NDRG1: variants seen among roughly 807,000 people sequenced by gnomAD.
NDRG1 encodes the protein N-myc downstream regulated 1.
Under a neutral mutation model 56.9 loss-of-function variants are expected in NDRG1, and 32 were observed. The ratio of observed to expected loss-of-function variants is 0.56; its 90% CI spans 0.42 to 0.76. The LOEUF (loss-of-function observed/expected upper bound fraction) is 0.76, where lower values mean the gene tolerates loss of function less well. Ranked by LOEUF, NDRG1 falls within the 30% of genes least tolerant of loss-of-function variation. The pLI, the probability that NDRG1 is intolerant of heterozygous loss-of-function variation, is 0.00. For missense variants in NDRG1, 507 were observed against 545.7 expected, an observed-to-expected ratio of 0.93 and a Z score of 0.71; for synonymous variants, 211 against 204.1, an observed-to-expected ratio of 1.03 and a Z score of -0.29.
At chr8:133,287,151 A>G (rs1858166533) in intron 1 of NDRG1, among the ~76,000 whole-genome samples, 1 of 152,212 alleles carries the variant, frequency 6.6e-6, no homozygotes, top group Non-Finnish European at 1.5e-5. Context: ...TCATGTAAGG[A>G]AGTTCAACAT....
chr8:133,279,384 A>G (rs1466846380), intron 3 of NDRG1, among the ~76,000 whole-genome samples: 1 of 152,036 alleles, frequency 6.6e-6, no homozygotes, highest in Non-Finnish European at 1.5e-5. Flanking sequence ...TGGATGGGGG[A>G]GCATTCATGA....
At chr8:133,257,709 G>A (rs1856455473) in intron 7 of NDRG1, among the ~76,000 whole-genome samples, 1 of 152,118 alleles carries the variant, frequency 6.6e-6, no homozygotes, top group South Asian at 2.1e-4. Context: ...TGTACACCTG[G>A]GGTACAGTTG....
In NDRG1 at chr8:133,238,962, G is replaced by A. The variant is rs201959970; in HGVS notation, c.1101C>T (p.Ser367=). Residue 367 remains serine (S), a synonymous_variant, in exon 16 of 16, where the codon AGC becomes AGT. Transcript: ENST00000323851. The part of the protein sequence containing the change: ...SEGTRSRSHT[S]EGAHLDITPN... ...GGGTGATGTCCAGGTGGGCCCCCTC[G>A]CTGGTGTGCGAGCGGCTGCGGGTGC... The A allele has an allele frequency of 1.7e-4, 275 of 1,583,170 alleles. 2 individuals are homozygous for A. Among genetic ancestry groups the A allele is most frequent in the South Asian group, 1.5e-3 (131 of 86,442 alleles).
rs1210865152 is a variant in NDRG1, at chr8:133,247,758, A to G, written c.807+117T>C. The G allele has an allele frequency of 1.1e-5, 12 of 1,131,902 alleles. No individual in the cohort carries two copies. The Admixed American group carries it at 2.1e-4, about 20-fold the overall frequency. 70.1% of individuals were successfully genotyped at this position (1,131,902 alleles called of 1,614,324 possible). A position where few individuals can be genotyped will look rare whatever the true frequency, so the allele number is the denominator to read the frequency against. On this transcript the variant is annotated intron_variant, in intron 12 of 15. Coordinates refer to ENST00000323851, the MANE Select transcript of NDRG1 (RefSeq NM_006096.4). ...AAAGGCCAATATGGCATTTCAAAAAACATCACCTGCCCTGATGGGGCAGAG... is the reference window on the plus strand; with the variant it reads ...AAAGGCCAATATGGCATTTCAAAAAGCATCACCTGCCCTGATGGGGCAGAG...
At chr8:133,260,404 G>A (rs1270170146) in intron 5 of NDRG1, among the ~76,000 whole-genome samples, 3 of 152,154 alleles carry the variant, frequency 2.0e-5, no homozygotes. Flanking sequence ...AACAAGTCAG[G>A]TCCCACTCTG....
intron 12 of NDRG1, 61 bp from the exon 13 acceptor site, chr8:133,246,724 C>A: frequency 7.0e-7 from 1 of 1,437,888 alleles, no homozygotes; most frequent in East Asian, 2.3e-5. Flanking sequence ...AAACATCTCC[C>A]CCTTCTCCGC....
intron 8 of NDRG1, chr8:133,255,941 C>G (rs1395929767): frequency 6.5e-6 from 1 of 154,236 alleles, no homozygotes; most frequent in African/African-American, 2.4e-5. Flanking sequence ...AAAAGATAAA[C>G]AAGGAACCTT....
intron 3 of NDRG1, among the ~76,000 whole-genome samples, chr8:133,269,624 T>G (rs1407453077): frequency 6.6e-6 from 1 of 152,234 alleles, no homozygotes; most frequent in African/African-American, 2.4e-5. Context: ...TGAACCAAGC[T>G]TGGATTCGAA....
intron 9 of NDRG1, among the ~76,000 whole-genome samples, chr8:133,254,142 G>C (rs763783234): frequency 8.6e-5 from 13 of 151,952 alleles, no homozygotes; most frequent in Non-Finnish European, 1.6e-4. Context: ...GAATTGCAAA[G>C]CAATCTATAG....
Position 133,238,799 on chromosome 8 carries a change from G to C in NDRG1, c.*79C>G. The C allele has an allele frequency of 6.8e-7, 1 of 1,461,000 alleles. No individual in the cohort carries two copies. Among genetic ancestry groups the C allele is most frequent in the Non-Finnish European group, 9.2e-7 (1 of 1,092,020 alleles). 90.5% of individuals were successfully genotyped at this position (1,461,000 alleles called of 1,614,324 possible). A position where few individuals can be genotyped will look rare whatever the true frequency, so the allele number is the denominator to read the frequency against. ...ATACCGAGTTAGGCGCAGTATGGCA[G>C]GCAGGGGGCGAAAAGGGGCCGGGGA... On this transcript the variant is annotated 3_prime_UTR_variant, in exon 16 of 16. Transcript: ENST00000323851.
intron 4 of NDRG1, 77 bp downstream of exon 4, chr8:133,264,470 C>G: frequency 7.5e-7 from 1 of 1,324,544 alleles, no homozygotes. Context: ...TCCCGGCCAT[C>G]AGCCCTTCTC....
chr8:133,270,973 G>A (rs1323218476), intron 3 of NDRG1, among the ~76,000 whole-genome samples: 2 of 152,190 alleles, frequency 1.3e-5, no homozygotes, highest in Non-Finnish European at 2.9e-5. Context: ...GCAAGCTGCA[G>A]CATTTCCCTC....
intron 3 of NDRG1, among the ~76,000 whole-genome samples, chr8:133,270,743 C>T (rs750681266): frequency 1.2e-4 from 18 of 152,166 alleles, no homozygotes; most frequent in African/African-American, 4.1e-4. Context: ...GGGGTGTTAG[C>T]TTTCTAGGTT....
In NDRG1 at chr8:133,237,339, C is replaced by A. The variant is rs1008202806; in HGVS notation, c.*1539G>T. On this transcript the variant is annotated 3_prime_UTR_variant, in exon 16 of 16. Transcript: ENST00000323851. ...CAGGGAAGGCCTCCAAGGTGATGGGCGGCAGGTAACGAGTCATTGCCTCTC... is the reference window on the plus strand; with the variant it reads ...CAGGGAAGGCCTCCAAGGTGATGGGAGGCAGGTAACGAGTCATTGCCTCTC... The A allele has an allele frequency of 2.2e-5, 5 of 232,034 alleles. No homozygotes were observed. The East Asian group carries it at 3.0e-4, about 14-fold the overall frequency. 14.4% of individuals were successfully genotyped at this position (232,034 alleles called of 1,614,324 possible). A position where few individuals can be genotyped will look rare whatever the true frequency, so the allele number is the denominator to read the frequency against.
chr8:133,265,206 C>T (rs938745727), intron 3 of NDRG1, among the ~76,000 whole-genome samples: 3 of 152,226 alleles, frequency 2.0e-5, no homozygotes, highest in African/African-American at 7.2e-5. Context: ...ACTCCACCTC[C>T]CAGTTGCAAG....
chr8:133,296,067 G>T (rs952638056), intron 1 of NDRG1, among the ~76,000 whole-genome samples: 2 of 152,114 alleles, frequency 1.3e-5, no homozygotes. Context: ...CCCAGCTCCA[G>T]CTACTAATTT....
chr8:133,296,688 GACACAGACACAC>G (rs1367766478), intron 1 of NDRG1: 138 of 312,344 alleles, frequency 4.4e-4, no homozygotes, highest in African/African-American at 3.4e-3. Context: ...TCCGTTCCCA[GACACAGACACAC>G]ACACACACAC....
chr8:133,260,461 G>A (rs770770441), intron 5 of NDRG1, among the ~76,000 whole-genome samples: 1 of 152,102 alleles, frequency 6.6e-6, no homozygotes, highest in Non-Finnish European at 1.5e-5. Context: ...AGTAAACTAG[G>A]GGGAAAATGC....
intron 13 of NDRG1, chr8:133,244,762 A>C (rs972666803): frequency 7.7e-6 from 3 of 391,368 alleles, no homozygotes; most frequent in African/African-American, 4.0e-5. Flanking sequence ...CTGACCCGAA[A>C]GGGTTTGATA....
Sources: allele counts gnomAD v4.1 joint callset (sites outside exome capture counted in the v4.1 genomes callset), GRCh38; gene constraint gnomAD v4.1.1; transcripts MANE v1.5; gene names NCBI Gene and HGNC (gene_info 2026-07-23, HGNC 2026-07-21).